The following OSBPL8 variants were observed in gnomAD, a reference collection of about 807,000 sequenced individuals.
OSBPL8 encodes the protein oxysterol binding protein like 8, also known as oxysterol-binding protein-related protein 8.
A neutral mutation model predicts 125.5 loss-of-function variants in OSBPL8; 59 were observed. The ratio of observed to expected loss-of-function variants is 0.47; its 90% CI spans 0.38 to 0.58. The LOEUF (loss-of-function observed/expected upper bound fraction) is 0.58, where lower values mean the gene tolerates loss of function less well. Among genes scored for constraint, OSBPL8 ranks in the 20% least tolerant of loss-of-function variants. The pLI is 0.00. For missense variants in OSBPL8, 758 were observed against 1,047.8 expected, an observed-to-expected ratio of 0.72 and a Z score of 3.82; for synonymous variants, 330 against 338.9, an observed-to-expected ratio of 0.97 and a Z score of 0.29.
intron 14 of OSBPL8, among the ~76,000 whole-genome samples, chr12:76,384,909 C>T (rs930661607): frequency 6.6e-6 from 1 of 152,114 alleles, no homozygotes; most frequent in South Asian, 2.1e-4. Flanking sequence ...GATTCCTGTA[C>T]CTCATCATAT....
intron 21 of OSBPL8, among the ~76,000 whole-genome samples, chr12:76,360,617 G>A (rs75248835): frequency 0.043 from 6,615 of 152,334 alleles, 516 homozygotes; most frequent in African/African-American, 0.15. Flanking sequence ...GCTAGCAGAG[G>A]TTCTTCATGA....
intron 21 of OSBPL8, among the ~76,000 whole-genome samples, chr12:76,359,140 TC>T (rs1187796143): frequency 6.6e-6 from 1 of 152,148 alleles, no homozygotes; most frequent in African/African-American, 2.4e-5. Flanking sequence ...TGAATATAGA[TC>T]CCCCTACCTC....
At chr12:76,536,096 G>C (rs1034513747) in intron 1 of OSBPL8, among the ~76,000 whole-genome samples, 1 of 151,902 alleles carries the variant, frequency 6.6e-6, no homozygotes, top group Non-Finnish European at 1.5e-5. Context: ...TATTGGGGGG[G>C]TGTGAGGTGG....
intron 4 of OSBPL8, among the ~76,000 whole-genome samples, chr12:76,427,905 A>G (rs1870337305): frequency 6.6e-6 from 1 of 152,102 alleles, no homozygotes; most frequent in South Asian, 2.1e-4. Context: ...GCTTCTAAAA[A>G]TTAAATAGGT....
chr12:76,466,979 T>C (rs931428141), intron 2 of OSBPL8, among the ~76,000 whole-genome samples: 1 of 151,974 alleles, frequency 6.6e-6, no homozygotes, highest in African/African-American at 2.4e-5. Context: ...AAAAAAAATC[T>C]TTTTTTAATC....
chr12:76,485,271 T>C (rs1878006310), intron 2 of OSBPL8, among the ~76,000 whole-genome samples: 2 of 151,930 alleles, frequency 1.3e-5, no homozygotes, highest in South Asian at 2.1e-4. Context: ...CAACAAAATT[T>C]GGAATAGTAA....
intron 4 of OSBPL8, among the ~76,000 whole-genome samples, chr12:76,422,334 G>A (rs1190378893): frequency 1.3e-5 from 2 of 152,132 alleles, no homozygotes; most frequent in Non-Finnish European, 2.9e-5. Context: ...TTTAACTGAA[G>A]AGGCTCTAAG....
intron 2 of OSBPL8, among the ~76,000 whole-genome samples, chr12:76,476,366 A>T (rs941446826): frequency 1.3e-5 from 2 of 152,316 alleles, no homozygotes; most frequent in South Asian, 2.1e-4. Context: ...AAGAAAAGAA[A>T]ATCAGTGAAC....
chr12:76,395,945 T>C (rs899834478), intron 8 of OSBPL8, among the ~76,000 whole-genome samples: 2 of 151,622 alleles, frequency 1.3e-5, no homozygotes, highest in Non-Finnish European at 2.9e-5. Context: ...AAATCATTAA[T>C]GGCTTAAAAA....
chr12:76,479,620 A>G (rs1877231728), intron 2 of OSBPL8, among the ~76,000 whole-genome samples: 1 of 151,988 alleles, frequency 6.6e-6, no homozygotes, highest in Non-Finnish European at 1.5e-5. Flanking sequence ...CATTATTGTC[A>G]AAAAAAATTT....
chr12:76,415,599 G>GT (rs1338070177), intron 4 of OSBPL8, among the ~76,000 whole-genome samples: 3 of 151,948 alleles, frequency 2.0e-5, no homozygotes, highest in Admixed American at 6.6e-5. Flanking sequence ...CAGATATTCC[G>GT]TTTCTTTTAA....
At chr12:76,513,517 G>A (rs1881216654) in intron 1 of OSBPL8, among the ~76,000 whole-genome samples, 1 of 152,166 alleles carries the variant, frequency 6.6e-6, no homozygotes, top group Non-Finnish European at 1.5e-5. Context: ...AATACTGTCA[G>A]TGGAGTGTTG....
intron 4 of OSBPL8, among the ~76,000 whole-genome samples, chr12:76,418,561 T>C (rs1356110734): frequency 6.6e-6 from 1 of 152,166 alleles, no homozygotes; most frequent in Admixed American, 6.5e-5. Context: ...TCAGATGAGG[T>C]GGCTCATGCC....
At chr12:76,395,562 A>G (rs560090595) in intron 8 of OSBPL8, among the ~76,000 whole-genome samples, 2 of 57,130 alleles carry the variant, frequency 3.5e-5, no homozygotes, top group South Asian at 1.8e-3. Context: ...AATAATCTGC[A>G]TTTTCAAATA....
chr12:76,460,060 C>T (rs1250393396), intron 2 of OSBPL8, among the ~76,000 whole-genome samples, 165 bp from the exon 3 acceptor site: 2 of 152,136 alleles, frequency 1.3e-5, no homozygotes, highest in Non-Finnish European at 2.9e-5. Context: ...TAATAATTTA[C>T]AAGAAACTTC....
intron 4 of OSBPL8, among the ~76,000 whole-genome samples, chr12:76,448,120 T>C (rs560478706): frequency 9.2e-5 from 14 of 152,312 alleles, no homozygotes; most frequent in Admixed American, 9.2e-4. Flanking sequence ...TAGAGACACA[T>C]TAAGTATTTT....
intron 20 of OSBPL8, 105 bp downstream of exon 20, chr12:76,369,532 A>G: frequency 7.4e-7 from 1 of 1,351,416 alleles, no homozygotes; most frequent in Non-Finnish European, 1.0e-6. Flanking sequence ...ACTAATATAC[A>G]TGGTTTAATT....
chr12:76,356,096 A>G (rs896698124), intron 23 of OSBPL8, 75 bp from the exon 24 acceptor site: 7 of 1,290,582 alleles, frequency 5.4e-6, no homozygotes, highest in Non-Finnish European at 7.5e-6. Context: ...ATTTGATATT[A>G]AACAGTCACA....
intron 4 of OSBPL8, among the ~76,000 whole-genome samples, chr12:76,413,838 T>C (rs150346522): frequency 3.9e-5 from 6 of 152,302 alleles, no homozygotes; most frequent in East Asian, 1.9e-4. Context: ...GTCTAGATAC[T>C]AGTCCTTTGC....
Sources: gnomAD v4.1 joint callset for allele counts (sites outside exome capture counted in the v4.1 genomes callset) on GRCh38, gnomAD v4.1.1 for gene constraint, MANE v1.5 for transcripts, NCBI Gene and HGNC (gene_info 2026-07-23, HGNC 2026-07-21) for gene names.